Variants in GASK1A observed in about 807,000 individuals in gnomAD.
GASK1A encodes golgi associated kinase 1A.
In GASK1A, 40 loss-of-function variants were observed where a neutral mutation model predicts 41.2. The observed-to-expected ratio is 0.97, with a 90% CI of 0.75 to 1.27. GASK1A has a LOEUF of 1.27. GASK1A is among the 50% of genes most tolerant of loss of function. GASK1A has a pLI of 0.00. For missense variants in GASK1A, 678 were observed against 745.1 expected (o/e 0.91, Z 1.05); for synonymous variants, 316 against 307.1 (o/e 1.03, Z -0.30).
At position 43,032,287 on chromosome 3, in the gene GASK1A, G is replaced by A; in HGVS notation, c.24G>A (p.Lys8=). Residue 8 remains lysine (K), a synonymous_variant, in exon 2 of 5, where the codon AAG becomes AAA. Transcript: ENST00000430121. ...CTCAGGCGTCTTGGCTCCGGAGAAA[G>A]CTGCGTGGCAAGAGGCGGCCAGTGA... MASWLRR[K]LRGKRRPVIA... is the part of the protein sequence containing the mutation. 6.5e-7 allele frequency: 1 copy of A among 1,527,888 alleles called. No individual in the cohort carries two copies. Among genetic ancestry groups the A allele is most frequent in the Non-Finnish European group, 8.9e-7 (1 of 1,129,034 alleles). The allele number at this position is 1,527,888 out of a possible 1,614,324, so 94.6% of individuals were successfully genotyped here.
intron 1 of GASK1A, among the ~76,000 whole-genome samples, chr3:43,024,446 A>G (rs567719229): frequency 5.9e-5 from 9 of 152,190 alleles, no homozygotes; most frequent in Non-Finnish European, 8.8e-5. Flanking sequence ...GAATATATCA[A>G]AAACTTATTT....
intron 2 of GASK1A, among the ~76,000 whole-genome samples, chr3:43,047,880 T>A (rs1204451788): frequency 6.6e-6 from 1 of 152,190 alleles, no homozygotes; most frequent in African/African-American, 2.4e-5. Context: ...CAATCTTCCT[T>A]ATGGTTTAAG....
chr3:43,023,054 G>A (rs1475003085), intron 1 of GASK1A, among the ~76,000 whole-genome samples: 1 of 152,188 alleles, frequency 6.6e-6, no homozygotes, highest in Non-Finnish European at 1.5e-5. Context: ...TGCTGTGCAT[G>A]TTATCTCATT....
chr3:42,991,424 A>C (rs1416333635), intron 1 of GASK1A, among the ~76,000 whole-genome samples: 2 of 152,192 alleles, frequency 1.3e-5, no homozygotes, highest in Non-Finnish European at 2.9e-5. Flanking sequence ...ACACACACAT[A>C]AACCACATGC....
chr3:43,012,527 A>C (rs1438426432), intron 1 of GASK1A, among the ~76,000 whole-genome samples: 1 of 151,716 alleles, frequency 6.6e-6, no homozygotes, highest in African/African-American at 2.4e-5. Flanking sequence ...GTGGAAAGTC[A>C]CATGAAGGGG....
intron 2 of GASK1A, among the ~76,000 whole-genome samples, chr3:43,035,022 G>C (rs547481982): frequency 3.3e-5 from 5 of 152,338 alleles, no homozygotes; most frequent in African/African-American, 1.2e-4. Flanking sequence ...TGTCCCCGTG[G>C]CTGCTTTGTG....
chr3:42,979,512 G>GC lies in GASK1A; in HGVS notation c.-127dup. 9.5e-7 allele frequency: 1 copy of GC among 1,049,630 alleles called. No individual in the cohort carries two copies. Among genetic ancestry groups the GC allele is most frequent in the East Asian group, 3.2e-5 (1 of 30,924 alleles). 65.0% of individuals were successfully genotyped at this position (1,049,630 alleles called of 1,614,324 possible). A position where few individuals can be genotyped will look rare whatever the true frequency, so the allele number is the denominator to read the frequency against. On this transcript the variant is annotated 5_prime_UTR_variant, in exon 1 of 5. Coordinates refer to ENST00000430121, the MANE Select transcript of GASK1A (RefSeq NM_001129908.3). Reference sequence around the variant, plus strand: ...TGTGCACCTTCAGTCCGGGAAACCCGCCCCAGCCGAGTAGCCGCGCATCCT... The same window carrying GC: ...TGTGCACCTTCAGTCCGGGAAACCCGCCCCCAGCCGAGTAGCCGCGCATCCT...
At chr3:42,986,303 TTGC>T (rs2089309083) in intron 1 of GASK1A, among the ~76,000 whole-genome samples, 1 of 152,102 alleles carries the variant, frequency 6.6e-6, no homozygotes, top group Admixed American at 6.5e-5. Context: ...AGATCAGCGG[TTGC>T]AGGGGTTAGG....
chr3:43,016,069 G>C (rs1168676745), intron 1 of GASK1A, among the ~76,000 whole-genome samples: 1 of 151,926 alleles, frequency 6.6e-6, no homozygotes, highest in Middle Eastern at 3.4e-3. Context: ...GAAAGGGGCT[G>C]TGTGAGGGCA....
intron 1 of GASK1A, among the ~76,000 whole-genome samples, chr3:43,016,071 G>A (rs2089489516): frequency 6.6e-6 from 1 of 151,596 alleles, no homozygotes; most frequent in South Asian, 2.1e-4. Flanking sequence ...AAGGGGCTGT[G>A]TGAGGGCAGA....
At chr3:42,987,600 T>C (rs2089318567) in intron 1 of GASK1A, among the ~76,000 whole-genome samples, 1 of 65,674 alleles carries the variant, frequency 1.5e-5, no homozygotes, top group South Asian at 7.9e-4. Flanking sequence ...TAAAATCACT[T>C]ATTATGTTAT....
At position 43,032,512 on chromosome 3, in the gene GASK1A, G is replaced by A. The variant is rs146122938; in HGVS notation, c.249G>A (p.Leu83=). The A allele has an allele frequency of 4.5e-4, 690 of 1,549,698 alleles. 4 individuals carry two copies. The African/African-American group carries it at 8.5e-3, about 19-fold the overall frequency. Residue 83 remains leucine (L), a synonymous_variant, in exon 2 of 5, where the codon TTG becomes TTA. Transcript: ENST00000430121. ...RNMGFWRSRA[L]PRNSILVCAE... ...TGGGCTTCTGGAGAAGCCGTGCTTTGCCCAGGAACTCCATCTTGGTCTGTG... is the reference window on the plus strand; with the variant it reads ...TGGGCTTCTGGAGAAGCCGTGCTTTACCCAGGAACTCCATCTTGGTCTGTG...
intron 1 of GASK1A, 25 bp from the exon 2 acceptor site, chr3:43,032,242 C>CT: frequency 6.7e-7 from 1 of 1,482,318 alleles, no homozygotes. Context: ...AGATCTCAAG[C>CT]TTTTCTTTCT....
chr3:42,999,317 T>C (rs2089394054), intron 1 of GASK1A, among the ~76,000 whole-genome samples: 2 of 152,222 alleles, frequency 1.3e-5, no homozygotes, highest in Non-Finnish European at 2.9e-5. Flanking sequence ...ACGGAGCTGG[T>C]GCATACTGGT....
intron 1 of GASK1A, among the ~76,000 whole-genome samples, chr3:43,014,623 A>G (rs909251973): frequency 3.3e-5 from 5 of 151,802 alleles, no homozygotes; most frequent in Admixed American, 3.3e-4. Context: ...AGTATGGGAC[A>G]GTGGGAAGTC....
Position 43,056,748 on chromosome 3 carries a change from T to G in GASK1A, c.*362T>G. 6.0e-6 allele frequency: 1 copy of G among 166,122 alleles called. No individual in the cohort carries two copies. Among genetic ancestry groups the G allele is most frequent in the Non-Finnish European group, 1.3e-5 (1 of 77,112 alleles). 10.3% of individuals were successfully genotyped at this position (166,122 alleles called of 1,614,324 possible). On this transcript the variant is annotated 3_prime_UTR_variant, in exon 5 of 5. Coordinates refer to ENST00000430121, the MANE Select transcript of GASK1A (RefSeq NM_001129908.3). The stretch of plus-strand genomic sequence containing the variant: ...GGCATGTGTGCCCGCCTGCATGCAA[T>G]ACCTGAGACCAACCTAATAAAGGTA...
chr3:43,043,250 A>G (rs1260578931), intron 2 of GASK1A, among the ~76,000 whole-genome samples: 1 of 152,150 alleles, frequency 6.6e-6, no homozygotes, highest in East Asian at 1.9e-4. Flanking sequence ...ATGGGCCACC[A>G]GAGACAGCAG....
At chr3:43,016,568 G>A (rs1000134447) in intron 1 of GASK1A, among the ~76,000 whole-genome samples, 3 of 151,700 alleles carry the variant, frequency 2.0e-5, no homozygotes. Flanking sequence ...AAGGGGCTGT[G>A]AGAGTTCACA....
chr3:43,027,774 A>T (rs2125685028), intron 1 of GASK1A, among the ~76,000 whole-genome samples: 1 of 152,380 alleles, frequency 6.6e-6, no homozygotes, highest in Middle Eastern at 3.4e-3. Flanking sequence ...CAAGACTTCA[A>T]ATATTATAAA....
Sources: allele counts gnomAD v4.1 joint callset (sites outside exome capture counted in the v4.1 genomes callset), GRCh38; gene constraint gnomAD v4.1.1; transcripts MANE v1.5; gene names NCBI Gene and HGNC (gene_info 2026-07-23, HGNC 2026-07-21).